Variants in MSH3 observed in about 807,000 individuals in gnomAD.
The protein encoded by MSH3 is DNA mismatch repair protein Msh3.
MSH3 carries 106 observed loss-of-function variants against 123.3 expected under a neutral mutation model. That is an observed-to-expected ratio of 0.86 (90% CI 0.73 to 1.01). MSH3 has a LOEUF of 1.01. MSH3 is among the 50% of genes least tolerant of loss of function. MSH3 has a pLI of 0.00. For missense variants in MSH3, 1,459 were observed against 1,347.6 expected, an observed-to-expected ratio of 1.08 and a Z score of -1.29; for synonymous variants, 515 against 481.4, an observed-to-expected ratio of 1.07 and a Z score of -0.91.
At chr5:80,709,106 T>A (rs973848251) in intron 8 of MSH3, among the ~76,000 whole-genome samples, 2 of 152,020 alleles carry the variant, frequency 1.3e-5, no homozygotes, top group African/African-American at 4.8e-5. Flanking sequence ...AGTTATTGTA[T>A]TTATCACATA....
intron 1 of MSH3, 142 bp from the exon 2 acceptor site, chr5:80,656,269 T>A: frequency 9.0e-7 from 1 of 1,115,958 alleles, no homozygotes. Flanking sequence ...CATAGGGTTT[T>A]CCAGAGCTAA....
intron 18 of MSH3, among the ~76,000 whole-genome samples, 174 bp downstream of exon 18, chr5:80,787,846 TTCC>T (rs369669363): frequency 2.7e-4 from 41 of 152,362 alleles, no homozygotes; most frequent in African/African-American, 9.1e-4. Context: ...CATTTCTTGC[TTCC>T]TCTGTCACTG....
intron 12 of MSH3, among the ~76,000 whole-genome samples, chr5:80,750,061 G>A (rs1444717449): frequency 1.4e-5 from 2 of 139,248 alleles, no homozygotes; most frequent in Non-Finnish European, 3.0e-5. Flanking sequence ...TTTTTTTAAG[G>A]CTGAATAGTA....
At chr5:80,680,379 T>G (rs1182983041) in intron 8 of MSH3, among the ~76,000 whole-genome samples, 1 of 152,174 alleles carries the variant, frequency 6.6e-6, no homozygotes, top group Non-Finnish European at 1.5e-5. Flanking sequence ...CTTTCATAAT[T>G]TGTTTTTCTG....
intron 8 of MSH3, among the ~76,000 whole-genome samples, chr5:80,722,675 C>T (rs1446727312): frequency 1.3e-5 from 2 of 152,126 alleles, no homozygotes; most frequent in Non-Finnish European, 2.9e-5. Flanking sequence ...TGTATAAAAC[C>T]TTCATGGAGG....
At chr5:80,787,064 A>G (rs1744521622) in intron 17 of MSH3, among the ~76,000 whole-genome samples, 1 of 133,916 alleles carries the variant, frequency 7.5e-6, no homozygotes, top group Non-Finnish European at 1.6e-5. Flanking sequence ...ATTATAAACT[A>G]GATGTTAGGT....
At chr5:80,719,178 G>A (rs933486883) in intron 8 of MSH3, among the ~76,000 whole-genome samples, 1 of 151,930 alleles carries the variant, frequency 6.6e-6, no homozygotes, top group Non-Finnish European at 1.5e-5. Flanking sequence ...CGCCTGAATA[G>A]CTGGGACTAC....
intron 21 of MSH3, among the ~76,000 whole-genome samples, chr5:80,857,832 A>G (rs1745944656): frequency 6.6e-6 from 1 of 152,144 alleles, no homozygotes; most frequent in African/African-American, 2.4e-5. Flanking sequence ...TCAAAGAACC[A>G]GCTTTTGGTT....
intron 17 of MSH3, among the ~76,000 whole-genome samples, chr5:80,779,634 T>C (rs1245274229): frequency 1.3e-5 from 2 of 150,276 alleles, no homozygotes; most frequent in Admixed American, 6.7e-5. Context: ...CACTGCAAGC[T>C]CTGCCTCCCG....
At chr5:80,730,230 T>G in intron 10 of MSH3, among the ~76,000 whole-genome samples, 1 of 152,168 alleles carries the variant, frequency 6.6e-6, no homozygotes, top group East Asian at 1.9e-4. Flanking sequence ...ATGCTTAAAA[T>G]TTCATGAACA....
At chr5:80,687,958 G>A (rs1310843549) in intron 8 of MSH3, among the ~76,000 whole-genome samples, 2 of 152,160 alleles carry the variant, frequency 1.3e-5, no homozygotes, top group Non-Finnish European at 2.9e-5. Flanking sequence ...AACAGAAGGG[G>A]AGGAATTAAA....
intron 4 of MSH3, among the ~76,000 whole-genome samples, chr5:80,670,992 G>A (rs563726682): frequency 3.0e-4 from 45 of 152,172 alleles, no homozygotes; most frequent in African/African-American, 9.6e-4. Context: ...GTGTGGTGGT[G>A]CATGCCTTTA....
intron 20 of MSH3, among the ~76,000 whole-genome samples, chr5:80,851,645 T>C (rs992370142): frequency 1.8e-4 from 27 of 152,332 alleles, no homozygotes; most frequent in Non-Finnish European, 2.1e-4. Flanking sequence ...TGATGACATA[T>C]ATGTAAAGCC....
At chr5:80,802,709 C>T (rs1744812025) in intron 19 of MSH3, among the ~76,000 whole-genome samples, 1 of 152,112 alleles carries the variant, frequency 6.6e-6, no homozygotes, top group Non-Finnish European at 1.5e-5. Flanking sequence ...GGACCATTCA[C>T]CTTCTTCACC....
intron 17 of MSH3, among the ~76,000 whole-genome samples, chr5:80,785,138 C>T (rs1015866197): frequency 6.6e-6 from 1 of 152,148 alleles, no homozygotes; most frequent in African/African-American, 2.4e-5. Flanking sequence ...CAGTAGTAAA[C>T]AGACTGTCTC....
At chr5:80,664,513 C>T (rs1355871577) in intron 2 of MSH3, among the ~76,000 whole-genome samples, 1 of 152,134 alleles carries the variant, frequency 6.6e-6, no homozygotes, top group Non-Finnish European at 1.5e-5. Flanking sequence ...TACAGTACTC[C>T]ATCAACTGTG....
intron 12 of MSH3, among the ~76,000 whole-genome samples, chr5:80,754,435 C>T (rs1437984144): frequency 1.3e-5 from 2 of 152,032 alleles, no homozygotes; most frequent in Non-Finnish European, 2.9e-5. Context: ...AGGTGGCGTT[C>T]CCAGCGTCAG....
intron 1 of MSH3, 189 bp downstream of exon 1, chr5:80,655,153 C>G (rs560626114): frequency 2.1e-6 from 1 of 487,212 alleles, no homozygotes; most frequent in African/African-American, 2.0e-5. Context: ...GGTTTTAGTA[C>G]TTCCGTTTGA....
chr5:80,829,709 T>C (rs1745385702), intron 20 of MSH3, among the ~76,000 whole-genome samples: 2 of 152,182 alleles, frequency 1.3e-5, no homozygotes, highest in South Asian at 4.1e-4. Context: ...TATAATGCCT[T>C]TGTCCGGTTT....
Sources: allele counts gnomAD v4.1 joint callset (sites outside exome capture counted in the v4.1 genomes callset), GRCh38; gene constraint gnomAD v4.1.1; transcripts MANE v1.5; gene names NCBI Gene and HGNC (gene_info 2026-07-23, HGNC 2026-07-21).